PCDHGB2: variants seen among roughly 807,000 people sequenced by gnomAD.
The protein encoded by PCDHGB2 is protocadherin gamma-B2.
In PCDHGB2, 55 loss-of-function variants were observed where a neutral mutation model predicts 59.3. The ratio of observed to expected loss-of-function variants is 0.93; its 90% CI spans 0.75 to 1.16. The LOEUF is 1.16. Ranked by LOEUF, PCDHGB2 falls within the 50% of genes most tolerant of loss-of-function variation. The pLI, the probability that PCDHGB2 is intolerant of heterozygous loss-of-function variation, is 0.00. For synonymous variants in PCDHGB2, 516 were observed against 512.0 expected (o/e 1.01, Z -0.11); for missense variants, 1,228 against 1,198.5 (o/e 1.02, Z -0.36).
rs1761549826 is a variant in PCDHGB2 at position 141,360,343 on chromosome 5, G to A, written c.208G>A (p.Ala70Thr). ...DLPARKLRVS[A>T]EKEYFTVNPE... is the part of the protein sequence containing the mutation. ...GCCAGCCCGGAAGCTGCGGGTTAGC[G>A]CGGAGAAGGAATATTTCACAGTAAA... The change falls in exon 1 of 4, where the codon GCG becomes ACG. Residue 70 changes from alanine to threonine, a missense_variant. This residue lies in a region of PCDHGB2 where 781 missense variants were observed against 721.6 expected (regional missense o/e 1.08). Transcript: ENST00000522605. The A allele has an allele frequency of 6.2e-7, 1 of 1,613,806 alleles. No individual in the cohort carries two copies. Among genetic ancestry groups the A allele is most frequent in the African/African-American group, 1.3e-5 (1 of 74,906 alleles).
chr5:141,398,135 G>C, intron 1 of PCDHGB2: 1 of 1,556,792 alleles, frequency 6.4e-7, no homozygotes, highest in Non-Finnish European at 8.6e-7. Context: ...GGGATGGGGA[G>C]CGGCGCCGGG....
At chr5:141,470,416 A>AT (rs1300623208) in intron 1 of PCDHGB2, among the ~76,000 whole-genome samples, 3 of 152,134 alleles carry the variant, frequency 2.0e-5, no homozygotes, top group African/African-American at 7.2e-5. Flanking sequence ...GATTTTATGT[A>AT]TTTTTTCCTT....
intron 1 of PCDHGB2, among the ~76,000 whole-genome samples, chr5:141,464,984 C>T (rs1345385418): frequency 1.3e-5 from 2 of 152,034 alleles, no homozygotes; most frequent in Non-Finnish European, 2.9e-5. Flanking sequence ...TCAAGTGATC[C>T]TCCCACCTCA....
At chr5:141,482,570 C>A (rs2099568543) in intron 1 of PCDHGB2, among the ~76,000 whole-genome samples, 1 of 144,954 alleles carries the variant, frequency 6.9e-6, no homozygotes, top group African/African-American at 2.6e-5. Context: ...ATCTGCATAG[C>A]ATAAGATGCA....
At chr5:141,375,155 G>T in intron 1 of PCDHGB2, 1 of 1,613,962 alleles carries the variant, frequency 6.2e-7, no homozygotes, top group South Asian at 1.1e-5. Context: ...AACAATTGCT[G>T]AAAGTGCACC....
At chr5:141,424,784 C>T (rs1351935601) in intron 1 of PCDHGB2, 2 of 152,062 alleles carry the variant, frequency 1.3e-5, no homozygotes, top group Non-Finnish European at 2.9e-5. Context: ...ACATTCAGTT[C>T]TTTTATTCAG....
At chr5:141,382,720 T>A in intron 1 of PCDHGB2, 2 of 480,118 alleles carry the variant, frequency 4.2e-6, no homozygotes, top group South Asian at 6.2e-5. Flanking sequence ...AACCACCGAG[T>A]TTTACAGCAC....
At chr5:141,423,679 C>T in intron 1 of PCDHGB2, 2 of 1,487,594 alleles carry the variant, frequency 1.3e-6, no homozygotes, top group South Asian at 1.3e-5. Context: ...TATTTCTCTG[C>T]CTCCTAATTG....
intron 1 of PCDHGB2, among the ~76,000 whole-genome samples, chr5:141,472,267 C>T (rs547832378): frequency 6.6e-5 from 10 of 152,216 alleles, no homozygotes; most frequent in African/African-American, 2.4e-4. Context: ...TATAGCCGGG[C>T]ACAGTGGCTC....
At chr5:141,410,235 G>T (rs753193390) in intron 1 of PCDHGB2, 1 of 1,613,852 alleles carries the variant, frequency 6.2e-7, no homozygotes, top group Non-Finnish European at 8.5e-7. Context: ...CTCAGCGACC[G>T]CCCTGTACTC....
intron 1 of PCDHGB2, among the ~76,000 whole-genome samples, chr5:141,387,209 T>C (rs911946032): frequency 1.3e-5 from 2 of 152,170 alleles, no homozygotes; most frequent in African/African-American, 4.8e-5. Flanking sequence ...ACTGATACTC[T>C]CCGGAAAAAG....
Position 141,362,300 on chromosome 5 carries a change from A to G in PCDHGB2, c.2165A>G (p.Asp722Gly), listed in dbSNP as rs1411423412. 3 of 1,613,936 alleles carry G rather than the reference A, an allele frequency of 1.9e-6. No individual in the cohort carries two copies. In the East Asian group the frequency reaches 6.7e-5, roughly 36 times the overall value. ...SLRLRLSSRSDAWDCFQPGLS... is the reference protein window; with the variant it reads ...SLRLRLSSRSGAWDCFQPGLS... The stretch of plus-strand genomic sequence containing the variant: ...CGCCTGCGACTCTCTTCCAGGTCAG[A>G]TGCTTGGGACTGTTTTCAGCCTGGT... Residue 722 changes from aspartate (D) to glycine (G), a missense_variant, in exon 1 of 4, where the codon GAT becomes GGT. Physicochemically the swap from Asp to Gly is moderately conservative, Grantham distance 94. Around this residue, in one of 3 missense-constraint regions of PCDHGB2, gnomAD observed 433 missense variants for 441.8 expected, o/e 0.98. Transcript: ENST00000522605.
intron 1 of PCDHGB2, chr5:141,364,485 T>C (rs1357301419): frequency 6.2e-7 from 1 of 1,614,028 alleles, no homozygotes; most frequent in Admixed American, 1.7e-5. Flanking sequence ...GCCAAGGACC[T>C]TGGGCTGGAG....
At position 141,486,383 on chromosome 5, in the gene PCDHGB2, C is replaced by A. The variant is rs757384186; in HGVS notation, c.2422-8424C>A. On this transcript the variant is annotated intron_variant, in intron 1 of 3. Transcript: ENST00000522605. The surrounding 1 kb of genome is among the most constrained non-coding windows in gnomAD (Gnocchi z 5.0). ...TGCCCTCAAGTCTGCCTTCAGGAAC[C>A]AGTTCTCCCTGGTGACTGCTGGACC... The A allele has an allele frequency of 6.2e-7, 1 of 1,614,040 alleles. No homozygotes were observed. Among genetic ancestry groups the A allele is most frequent in the East Asian group, 2.2e-5 (1 of 44,884 alleles).
Position 141,489,492 on chromosome 5 carries a change from G to C in PCDHGB2, c.2422-5315G>C. On this transcript the variant is annotated intron_variant, in intron 1 of 3. Coordinates refer to ENST00000522605, the MANE Select transcript of PCDHGB2 (RefSeq NM_018923.3). This position sits in a 1 kb window ranked among gnomAD's most constrained non-coding sequence, Gnocchi z 4.5. The stretch of plus-strand genomic sequence containing the variant: ...CCCTGAGCTTGATGAGTGGTGCCCT[G>C]GCAGTGAATCAAAAGATTGACCGAG... The C allele has an allele frequency of 6.2e-7, 1 of 1,614,042 alleles. No homozygotes were observed. The highest frequency in any genetic ancestry group is 8.5e-7 in the Non-Finnish European group (1 of 1,180,034).
chr5:141,462,375 T>G (rs2099038282), intron 1 of PCDHGB2, among the ~76,000 whole-genome samples: 1 of 152,252 alleles, frequency 6.6e-6, no homozygotes, highest in Non-Finnish European at 1.5e-5. Context: ...TTCTATTCTT[T>G]TAAATTCGTT....
chr5:141,403,490 C>T, intron 1 of PCDHGB2: 1 of 1,614,044 alleles, frequency 6.2e-7, no homozygotes, highest in South Asian at 1.1e-5. Flanking sequence ...CCACTTCTCC[C>T]TGAACGTGCA....
At position 141,511,481 on chromosome 5, in the gene PCDHGB2, ACTC is replaced by A. The variant is rs2154594681; in HGVS notation, c.*313_*315del. On this transcript the variant is annotated 3_prime_UTR_variant, in exon 4 of 4. Coordinates refer to ENST00000522605, the MANE Select transcript of PCDHGB2 (RefSeq NM_018923.3). ...CCACACCCCGTTTAGTTACAGCTGAACTCCTCCATCTTCCAAATCAATCAGGCC... is the reference window on the plus strand; with the variant it reads ...CCACACCCCGTTTAGTTACAGCTGAACTCCATCTTCCAAATCAATCAGGCC... 2 of 464,080 alleles carry A rather than the reference ACTC, an allele frequency of 4.3e-6. No individual in the cohort carries two copies. The highest frequency in any genetic ancestry group is 7.7e-6 in the Non-Finnish European group (2 of 260,856). The allele number at this position is 464,080 out of a possible 1,614,324, so 28.7% of individuals were successfully genotyped here.
chr5:141,419,358 C>A (rs569760413), intron 1 of PCDHGB2: 1 of 1,613,810 alleles, frequency 6.2e-7, no homozygotes, highest in South Asian at 1.1e-5. Flanking sequence ...GAGTCACGAA[C>A]GCTGTCGTCC....
Sources: allele counts gnomAD v4.1 joint callset (sites outside exome capture counted in the v4.1 genomes callset), GRCh38; gene constraint gnomAD v4.1.1; regional missense constraint gnomAD v4.1.1; non-coding constraint Gnocchi (gnomAD v3.1); transcripts MANE v1.5; gene names NCBI Gene and HGNC (gene_info 2026-07-23, HGNC 2026-07-21).